The following SHISA9 variants were observed in gnomAD, a reference collection of about 807,000 sequenced individuals.
The protein encoded by SHISA9 is protein shisa-9.
Under a neutral mutation model 38.0 loss-of-function variants are expected in SHISA9, and 13 were observed. That is an observed-to-expected ratio of 0.34 (90% confidence interval 0.22 to 0.54). SHISA9 has a LOEUF of 0.54. SHISA9 is among the 20% of genes least tolerant of loss of function. The pLI is 0.91. For missense variants in SHISA9, 538 were observed against 575.8 expected (o/e 0.93, Z 0.67); for synonymous variants, 275 against 242.0 (o/e 1.14, Z -1.27).
chr16:12,941,331 A>G (rs1329113101), intron 2 of SHISA9, among the ~76,000 whole-genome samples: 1 of 151,450 alleles, frequency 6.6e-6, no homozygotes, highest in African/African-American at 2.4e-5. Context: ...AGCCTGGGCA[A>G]CAGAGTGAGA....
At chr16:13,516,243 C>A in the SHISA9 span, among the ~76,000 whole-genome samples, 2 of 152,184 alleles carry the variant, frequency 1.3e-5, no homozygotes, top group African/African-American at 2.4e-5. Context: ...TAAATGGCTT[C>A]CATGTTTGCA....
chr16:13,395,864 C>T, the SHISA9 span, among the ~76,000 whole-genome samples: 1 of 152,188 alleles, frequency 6.6e-6, no homozygotes, highest in African/African-American at 2.4e-5. Flanking sequence ...GGTATCACTA[C>T]AGCTGTTTCA....
At chr16:12,908,337 G>A (rs2071131495) in intron 1 of SHISA9, 2 of 1,336,632 alleles carry the variant, frequency 1.5e-6, no homozygotes, top group East Asian at 5.3e-5. Flanking sequence ...GAATAGGAGG[G>A]AGGGTCTATA....
At chr16:12,984,460 G>A (rs2141826159) in intron 2 of SHISA9, among the ~76,000 whole-genome samples, 1 of 152,200 alleles carries the variant, frequency 6.6e-6, no homozygotes, top group South Asian at 2.1e-4. Flanking sequence ...GAATATCCAG[G>A]GGCAAGTTAC....
intron 2 of SHISA9, among the ~76,000 whole-genome samples, chr16:13,102,276 A>C (rs1353847044): frequency 1.3e-5 from 2 of 152,182 alleles, no homozygotes; most frequent in African/African-American, 4.8e-5. Flanking sequence ...AACACCTAGC[A>C]CTGTGCACCA....
chr16:13,465,741 G>C, the SHISA9 span, among the ~76,000 whole-genome samples: 2 of 152,162 alleles, frequency 1.3e-5, no homozygotes. Flanking sequence ...CCATGGACCT[G>C]TCTCTCTCCC....
chr16:12,962,357 T>C (rs757848714), intron 2 of SHISA9, among the ~76,000 whole-genome samples: 1 of 152,200 alleles, frequency 6.6e-6, no homozygotes, highest in Non-Finnish European at 1.5e-5. Flanking sequence ...TATTTCCCAG[T>C]TCCCCAGTTG....
intron 2 of SHISA9, among the ~76,000 whole-genome samples, chr16:12,965,224 C>T (rs181310114): frequency 6.6e-6 from 1 of 152,098 alleles, no homozygotes; most frequent in Non-Finnish European, 1.5e-5. Flanking sequence ...TGTATTTATG[C>T]ATGTGTGTTT....
chr16:13,382,985 A>G, the SHISA9 span, among the ~76,000 whole-genome samples: 1 of 152,234 alleles, frequency 6.6e-6, no homozygotes, highest in Non-Finnish European at 1.5e-5. Flanking sequence ...TTCAATCAGC[A>G]GTCACTAAGT....
intron 2 of SHISA9, among the ~76,000 whole-genome samples, chr16:13,022,276 C>T (rs1030148553): frequency 6.6e-6 from 1 of 152,002 alleles, no homozygotes; most frequent in African/African-American, 2.4e-5. Flanking sequence ...CTCAGCCTCT[C>T]GAGTAACTGG....
rs1454949387 is a variant in SHISA9, at chr16:12,984,181, C to T, written c.691+67366C>T. Among the ~76,000 whole-genome samples, 4 of 152,260 alleles carry T rather than the reference C, an allele frequency of 2.6e-5. No individual in the cohort carries two copies. The East Asian group carries it at 5.8e-4, about 22-fold the overall frequency. On this transcript the variant is annotated intron_variant, in intron 2 of 4. Coordinates refer to ENST00000558583, the MANE Select transcript of SHISA9 (RefSeq NM_001145204.3). Reference sequence around the variant, plus strand: ...TCCATGGCCAGTGCACTCATCCCCACCTCTTTAAGCTTCCTTTATCTTGGA... The same window carrying T: ...TCCATGGCCAGTGCACTCATCCCCATCTCTTTAAGCTTCCTTTATCTTGGA...
the SHISA9 span, among the ~76,000 whole-genome samples, chr16:13,364,116 A>G: frequency 6.6e-6 from 1 of 152,234 alleles, no homozygotes; most frequent in Non-Finnish European, 1.5e-5. Flanking sequence ...CCAGCTTGAG[A>G]ATTTCTCTTT....
At chr16:12,910,988 G>A (rs988499266) in intron 1 of SHISA9, 12 of 162,032 alleles carry the variant, frequency 7.4e-5, no homozygotes, top group South Asian at 4.0e-4. Flanking sequence ...TTAGCTTACT[G>A]ATTTCAATGT....
chr16:13,200,442 A>ACACACAC lies in SHISA9; in HGVS notation c.692-2952_692-2951insCACACAC, dbSNP rs1555470817. Among the ~76,000 whole-genome samples the ACACACAC allele has an allele frequency of 2.8e-3, 368 of 132,312 alleles. 2 individuals carry two copies. Among genetic ancestry groups the ACACACAC allele is most frequent in the African/African-American group, 8.6e-3 (297 of 34,500 alleles). 86.8% of individuals were successfully genotyped at this position (132,312 alleles called of 152,430 possible). A position where few individuals can be genotyped will look rare whatever the true frequency, so the allele number is the denominator to read the frequency against. Reference sequence around the variant, plus strand: ...CACACACACACACACACACACACACAGCAGCAGCAGCAGCAGCAGCAGCAT... The same window carrying ACACACAC: ...CACACACACACACACACACACACACACACACACGCAGCAGCAGCAGCAGCAGCAGCAT... On this transcript the variant is annotated intron_variant, in intron 2 of 4. Coordinates refer to ENST00000558583, the MANE Select transcript of SHISA9 (RefSeq NM_001145204.3).
the SHISA9 span, among the ~76,000 whole-genome samples, chr16:13,443,207 TGAA>T: frequency 6.6e-6 from 1 of 152,256 alleles, no homozygotes; most frequent in African/African-American, 2.4e-5. Context: ...TCATCTGTGT[TGAA>T]GAGATTTTAT....
At chr16:12,970,326 CAT>C (rs61455008) in intron 2 of SHISA9, among the ~76,000 whole-genome samples, 18,685 of 73,478 alleles carry the variant, frequency 0.25, 2,735 homozygotes, top group East Asian at 0.34. Context: ...GGTATATATA[CAT>C]ATATATATAT....
intron 3 of SHISA9, among the ~76,000 whole-genome samples, chr16:13,208,644 T>C (rs574898529): frequency 2.6e-5 from 4 of 152,166 alleles, no homozygotes; most frequent in Admixed American, 6.5e-5. Context: ...GCCCAGCTCT[T>C]GGTAAAATAT....
the SHISA9 span, among the ~76,000 whole-genome samples, chr16:13,459,197 T>A: frequency 6.6e-6 from 1 of 152,136 alleles, no homozygotes; most frequent in African/African-American, 2.4e-5. Flanking sequence ...AAACTCCAAA[T>A]GAAGATTCCT....
At chr16:13,469,365 A>AAAGAGAAAG in the SHISA9 span, among the ~76,000 whole-genome samples, 2 of 64,456 alleles carry the variant, frequency 3.1e-5, no homozygotes, top group Non-Finnish European at 6.1e-5. Flanking sequence ...AAAGAAAAGA[A>AAAGAGAAAG]AAAGAAAGAA....
Sources: gnomAD v4.1 joint callset for allele counts (sites outside exome capture counted in the v4.1 genomes callset) on GRCh38, gnomAD v4.1.1 for gene constraint, MANE v1.5 for transcripts, NCBI Gene and HGNC (gene_info 2026-07-23, HGNC 2026-07-21) for gene names.